AUTS2: variants seen among roughly 807,000 people sequenced by gnomAD.
AUTS2 encodes the protein activator of transcription and developmental regulator AUTS2.
In AUTS2, 17 loss-of-function variants were observed where a neutral mutation model predicts 112.4. That is an observed-to-expected ratio of 0.15 (90% CI 0.10 to 0.23). The LOEUF is 0.23. Among genes scored for constraint, AUTS2 ranks in the 10% least tolerant of loss-of-function variants. AUTS2 has a pLI of 1.00. For missense variants in AUTS2, 1,510 were observed against 1,701.6 expected (o/e 0.89, Z 1.98); for synonymous variants, 751 against 702.7 (o/e 1.07, Z -1.09).
At chr7:69,961,310 A>G (rs553409520) in intron 2 of AUTS2, among the ~76,000 whole-genome samples, 18 of 152,234 alleles carry the variant, frequency 1.2e-4, no homozygotes, top group Middle Eastern at 3.4e-3. Flanking sequence ...TCTATCTCTG[A>G]TAAGTTCTGA....
intron 1 of AUTS2, among the ~76,000 whole-genome samples, chr7:69,694,311 AT>A (rs1022397004): frequency 6.6e-6 from 1 of 151,760 alleles, no homozygotes; most frequent in Non-Finnish European, 1.5e-5. Context: ...CCTGCAGGTA[AT>A]TTTTTTTCTA....
intron 1 of AUTS2, among the ~76,000 whole-genome samples, chr7:69,664,821 C>T (rs776609778): frequency 6.6e-6 from 1 of 152,154 alleles, no homozygotes; most frequent in Non-Finnish European, 1.5e-5. Flanking sequence ...TTCCACCTGG[C>T]TTCATAGTAG....
chr7:69,602,907 A>G (rs1472814890), intron 1 of AUTS2, among the ~76,000 whole-genome samples: 1 of 152,248 alleles, frequency 6.6e-6, no homozygotes, highest in Non-Finnish European at 1.5e-5. Flanking sequence ...TTGTTAAATT[A>G]AAACCTCTGG....
At chr7:70,053,983 T>C (rs1244832020) in intron 2 of AUTS2, among the ~76,000 whole-genome samples, 7 of 152,198 alleles carry the variant, frequency 4.6e-5, no homozygotes, top group African/African-American at 1.7e-4. Context: ...TATATGGTAC[T>C]CAATAAACTA....
At chr7:69,864,857 A>G (rs758357708) in intron 1 of AUTS2, among the ~76,000 whole-genome samples, 2 of 152,196 alleles carry the variant, frequency 1.3e-5, no homozygotes, top group Non-Finnish European at 2.9e-5. Context: ...CTGGAAAGAG[A>G]CAAGGCAACT....
At chr7:70,350,489 A>T (rs1791698354) in intron 4 of AUTS2, among the ~76,000 whole-genome samples, 1 of 152,210 alleles carries the variant, frequency 6.6e-6, no homozygotes. Context: ...AGTACGTCTT[A>T]CATGGTGGCA....
At chr7:69,790,804 T>C (rs926895433) in intron 1 of AUTS2, among the ~76,000 whole-genome samples, 1 of 152,234 alleles carries the variant, frequency 6.6e-6, no homozygotes, top group Non-Finnish European at 1.5e-5. Flanking sequence ...TGCTTGAACA[T>C]CTCTAAATTA....
intron 5 of AUTS2, among the ~76,000 whole-genome samples, chr7:70,467,092 C>G (rs188447826): frequency 6.6e-6 from 1 of 152,182 alleles, no homozygotes; most frequent in Non-Finnish European, 1.5e-5. Context: ...AGACATTATT[C>G]GCTTCATTTT....
At chr7:70,355,519 A>T (rs923786893) in intron 4 of AUTS2, among the ~76,000 whole-genome samples, 2 of 151,944 alleles carry the variant, frequency 1.3e-5, no homozygotes, top group Non-Finnish European at 2.9e-5. Flanking sequence ...CTTCCTTTCC[A>T]ATCCTTGTCC....
At chr7:69,602,841 G>T (rs539643513) in intron 1 of AUTS2, among the ~76,000 whole-genome samples, 2 of 152,334 alleles carry the variant, frequency 1.3e-5, no homozygotes, top group South Asian at 2.1e-4. Flanking sequence ...AGTTTTGTTG[G>T]CTGTGTGCTA....
chr7:70,416,006 A>C (rs1794973658), intron 4 of AUTS2, among the ~76,000 whole-genome samples: 1 of 152,070 alleles, frequency 6.6e-6, no homozygotes, highest in South Asian at 2.1e-4. Flanking sequence ...GCCACTCAAG[A>C]GTGGTTCTGT....
At chr7:70,159,737 G>T (rs558469519) in intron 4 of AUTS2, among the ~76,000 whole-genome samples, 2 of 152,090 alleles carry the variant, frequency 1.3e-5, no homozygotes, top group East Asian at 3.8e-4. Flanking sequence ...AATAGTTTAT[G>T]AATTGTCAAA....
At position 70,507,535 on chromosome 7, in the gene AUTS2, A is replaced by T. The variant is rs145449266; in HGVS notation, c.690+71754A>T. Among the ~76,000 whole-genome samples, 1,460 of 152,216 alleles carry T rather than the reference A, an allele frequency of 9.6e-3. 16 individuals are homozygous for T. The highest frequency in any genetic ancestry group is 0.034 in the African/African-American group (1,397 of 41,532). On this transcript the variant is annotated intron_variant, in intron 5 of 18. Transcript: ENST00000342771. ...ACTAAGGCCGGGCGCAGTGGCTCAC[A>T]CCTATAATCCCAGCACTTTGGGAGA... is the stretch of plus-strand genomic sequence containing the variant.
intron 5 of AUTS2, among the ~76,000 whole-genome samples, chr7:70,556,486 T>A (rs541969414): frequency 6.6e-6 from 1 of 152,300 alleles, no homozygotes; most frequent in South Asian, 2.1e-4. Flanking sequence ...CATTGCTGGG[T>A]TGTGACAATC....
chr7:70,651,310 C>G (rs1806495050), intron 5 of AUTS2, among the ~76,000 whole-genome samples: 3 of 152,194 alleles, frequency 2.0e-5, no homozygotes, highest in South Asian at 4.1e-4. Flanking sequence ...CTCTCTGGTG[C>G]TCAGCCTCAT....
At chr7:69,888,175 G>T (rs1165011221) in intron 1 of AUTS2, among the ~76,000 whole-genome samples, 1 of 151,804 alleles carries the variant, frequency 6.6e-6, no homozygotes, top group Non-Finnish European at 1.5e-5. Context: ...ACAAGAAAAA[G>T]GAATACTAGA....
chr7:70,077,312 G>T (rs1221273507), intron 2 of AUTS2, among the ~76,000 whole-genome samples: 1 of 152,122 alleles, frequency 6.6e-6, no homozygotes, highest in African/African-American at 2.4e-5. Flanking sequence ...GTAGGCCGAG[G>T]GATAATGTGC....
chr7:69,860,802 T>C (rs901692674), intron 1 of AUTS2, among the ~76,000 whole-genome samples: 3 of 152,202 alleles, frequency 2.0e-5, no homozygotes, highest in Admixed American at 2.0e-4. Context: ...GTTCTGAGGG[T>C]ACTGCTTCTT....
intron 4 of AUTS2, among the ~76,000 whole-genome samples, chr7:70,374,079 A>G (rs1016526613): frequency 1.3e-5 from 2 of 152,196 alleles, no homozygotes; most frequent in Admixed American, 1.3e-4. Flanking sequence ...AGTTATAAAT[A>G]TATTTTTTGG....
Sources: gnomAD v4.1 joint callset for allele counts (sites outside exome capture counted in the v4.1 genomes callset) on GRCh38, gnomAD v4.1.1 for gene constraint, MANE v1.5 for transcripts, NCBI Gene and HGNC (gene_info 2026-07-23, HGNC 2026-07-21) for gene names.